The following RASGEF1A variants were observed in gnomAD, a reference collection of about 807,000 sequenced individuals.
The protein encoded by RASGEF1A is RasGEF domain family member 1A.
A neutral mutation model predicts 56.4 loss-of-function variants in RASGEF1A; 18 were observed. That is an observed-to-expected ratio of 0.32 (90% CI 0.22 to 0.47). The LOEUF (loss-of-function observed/expected upper bound fraction) is 0.47, where lower values mean the gene tolerates loss of function less well. Ranked by LOEUF, RASGEF1A falls within the 20% of genes least tolerant of loss-of-function variation. The pLI is 1.00. For missense variants in RASGEF1A, 422 were observed against 627.1 expected (o/e 0.67, Z 3.49); for synonymous variants, 245 against 242.6 (o/e 1.01, Z -0.09).
At chr10:43,258,308 G>A (rs1379145736) in intron 1 of RASGEF1A, among the ~76,000 whole-genome samples, 1 of 152,240 alleles carries the variant, frequency 6.6e-6, no homozygotes, top group African/African-American at 2.4e-5. Context: ...GGACCCCATG[G>A]CTGGCCTGGC....
chr10:43,204,159 T>C (rs1424783555), intron 2 of RASGEF1A, among the ~76,000 whole-genome samples: 1 of 152,108 alleles, frequency 6.6e-6, no homozygotes, highest in Non-Finnish European at 1.5e-5. Context: ...GTGGACAGGG[T>C]AGACTTGCAG....
chr10:43,261,379 C>T (rs12783340), intron 1 of RASGEF1A, among the ~76,000 whole-genome samples: 22,346 of 152,138 alleles, frequency 0.15, 1,746 homozygotes, highest in Admixed American at 0.19. Context: ...GTCCCCGTAG[C>T]GGGGCTGAGC....
At chr10:43,232,914 G>GT (rs1293413837) in intron 1 of RASGEF1A, among the ~76,000 whole-genome samples, 2 of 152,106 alleles carry the variant, frequency 1.3e-5, no homozygotes, top group Admixed American at 6.5e-5. Flanking sequence ...CAGAAGCTCC[G>GT]TGACTCCCAC....
intron 10 of RASGEF1A, among the ~76,000 whole-genome samples, chr10:43,197,497 C>CCA (rs1168631481): frequency 1.3e-5 from 2 of 152,336 alleles, no homozygotes; most frequent in Non-Finnish European, 2.9e-5. Context: ...CAGCTCCTGC[C>CCA]CACACCTCAC....
rs1588931692 is a variant in RASGEF1A, at chr10:43,206,963, G to A, written c.-6-841C>T. 16 of 985,456 alleles carry A rather than the reference G, an allele frequency of 1.6e-5. 1 individual carries two copies. Among genetic ancestry groups the A allele is most frequent in the Middle Eastern group, 5.2e-4 (1 of 1,916 alleles). 61.0% of individuals were successfully genotyped at this position (985,456 alleles called of 1,614,324 possible). A position where few individuals can be genotyped will look rare whatever the true frequency, so the allele number is the denominator to read the frequency against. On this transcript the variant is annotated intron_variant, in intron 1 of 12. Coordinates refer to ENST00000395810, the MANE Select transcript of RASGEF1A (RefSeq NM_145313.4). ...GGGACTGTCCTCCACAGCATGGCCC[G>A]CTGTGATGGGGCTCAGGGTCTCACC...
chr10:43,241,594 C>T (rs887562775), intron 1 of RASGEF1A, among the ~76,000 whole-genome samples: 2 of 151,908 alleles, frequency 1.3e-5, no homozygotes, highest in South Asian at 4.2e-4. Context: ...TAAAATGGTA[C>T]ACTAGATAAT....
At chr10:43,213,106 G>A (rs924352658) in intron 1 of RASGEF1A, among the ~76,000 whole-genome samples, 13 of 152,190 alleles carry the variant, frequency 8.5e-5, no homozygotes, top group African/African-American at 2.9e-4. Flanking sequence ...GGGAAACAAA[G>A]ATAGCTTGGG....
intron 1 of RASGEF1A, among the ~76,000 whole-genome samples, chr10:43,253,271 G>T (rs1325593950): frequency 6.6e-6 from 1 of 152,200 alleles, no homozygotes; most frequent in Non-Finnish European, 1.5e-5. Context: ...TGAGGTCCTT[G>T]TAGCTCCCCA....
intron 1 of RASGEF1A, among the ~76,000 whole-genome samples, chr10:43,243,815 C>A (rs1840537237): frequency 6.6e-6 from 1 of 151,996 alleles, no homozygotes; most frequent in Admixed American, 6.5e-5. Context: ...CTCTGCCCGG[C>A]CACCCAGCCT....
chr10:43,232,886 A>G (rs1840389878), intron 1 of RASGEF1A, among the ~76,000 whole-genome samples: 1 of 151,706 alleles, frequency 6.6e-6, no homozygotes, highest in Admixed American at 6.6e-5. Context: ...GCCGGGGGGG[A>G]TCTCTTAGAA....
chr10:43,263,923 C>G (rs1016208907), intron 1 of RASGEF1A, among the ~76,000 whole-genome samples: 14 of 152,242 alleles, frequency 9.2e-5, no homozygotes, highest in African/African-American at 3.4e-4. Flanking sequence ...CATCACAGCA[C>G]AGGCCCCGCT....
At chr10:43,199,834 G>T in intron 6 of RASGEF1A, 66 bp from the exon 7 acceptor site, 1 of 1,312,406 alleles carries the variant, frequency 7.6e-7, no homozygotes, top group Non-Finnish European at 1.1e-6. Context: ...AGTCCCCACA[G>T]CTGGCCCTGG....
Position 43,244,627 on chromosome 10 carries a change from A to G in RASGEF1A, c.-7+22218T>C, listed in dbSNP as rs575213355. 6.4e-5 allele frequency among the ~76,000 whole-genome samples: 9 copies of G among 140,146 alleles called. No homozygotes were observed. In the East Asian group the frequency reaches 1.7e-3, roughly 27 times the overall value. 91.9% of individuals were successfully genotyped at this position (140,146 alleles called of 152,430 possible). On this transcript the variant is annotated intron_variant, in intron 1 of 12. Transcript: ENST00000395810. ...TTCTGTGACCACAATAAAATAACAG[A>G]AGTCAACGGCAAAAACAATCTGGGA... is the stretch of plus-strand genomic sequence containing the variant.
chr10:43,199,635 G>T, intron 7 of RASGEF1A, 41 bp downstream of exon 7: 2 of 1,503,422 alleles, frequency 1.3e-6, no homozygotes, highest in Non-Finnish European at 1.8e-6. Flanking sequence ...ACTGGGTGTG[G>T]GCATGGCAGC....
At chr10:43,266,073 G>A (rs893076907) in intron 1 of RASGEF1A, among the ~76,000 whole-genome samples, 3 of 152,176 alleles carry the variant, frequency 2.0e-5, no homozygotes, top group African/African-American at 7.2e-5. Flanking sequence ...GCAGGCAGCG[G>A]CCTCTCTGTA....
chr10:43,207,738 AG>A (rs1051916081), intron 1 of RASGEF1A: 98 of 980,334 alleles, frequency 1.0e-4, no homozygotes, highest in Non-Finnish European at 1.1e-4. Context: ...TCTCAGGCCT[AG>A]CCCCAGACCT....
chr10:43,211,391 C>T (rs1207941154), intron 1 of RASGEF1A, among the ~76,000 whole-genome samples: 1 of 152,184 alleles, frequency 6.6e-6, no homozygotes, highest in East Asian at 1.9e-4. Flanking sequence ...ACAGCCTCAG[C>T]AGCACTGTAG....
intron 4 of RASGEF1A, among the ~76,000 whole-genome samples, chr10:43,201,112 C>T (rs555005919): frequency 3.3e-5 from 5 of 152,266 alleles, no homozygotes; most frequent in South Asian, 2.1e-4. Flanking sequence ...TGCTGCAGGA[C>T]GAGGCTAAGG....
In RASGEF1A at chr10:43,208,503, C is replaced by G; in HGVS notation, c.-6-2381G>C. The G allele has an allele frequency of 3.0e-6, 3 of 985,648 alleles. No individual in the cohort carries two copies. The East Asian group carries it at 3.4e-4, about 112-fold the overall frequency. The allele number at this position is 985,648 out of a possible 1,614,324, so 61.1% of individuals were successfully genotyped here. On this transcript the variant is annotated intron_variant, in intron 1 of 12. Coordinates refer to ENST00000395810, the MANE Select transcript of RASGEF1A (RefSeq NM_145313.4). ...AGGCCACGCCTTCGAGGGTGGGGGC[C>G]TGGAGGAGGAGCATGCAGGGGTGTC...
Sources: gnomAD v4.1 joint callset for allele counts (sites outside exome capture counted in the v4.1 genomes callset) on GRCh38, gnomAD v4.1.1 for gene constraint, MANE v1.5 for transcripts, NCBI Gene and HGNC (gene_info 2026-07-23, HGNC 2026-07-21) for gene names.